Variants in BATF2 observed in about 807,000 individuals in gnomAD.
BATF2 encodes the protein basic leucine zipper transcriptional factor ATF-like 2.
In BATF2, 4 loss-of-function variants were observed where a neutral mutation model predicts 7.3. The ratio of observed to expected loss-of-function variants is 0.55; its 90% CI spans 0.27 to 1.26. BATF2 has a LOEUF of 1.26. Among genes scored for constraint, BATF2 ranks in the 50% most tolerant of loss-of-function variants. BATF2 has a pLI of 0.11. For synonymous variants in BATF2, 152 were observed against 153.9 expected, an observed-to-expected ratio of 0.99 and a Z score of 0.09; for missense variants, 295 against 340.5, an observed-to-expected ratio of 0.87 and a Z score of 1.05.
Position 64,994,547 on chromosome 11 carries a change from G to A in BATF2, c.42C>T (p.Asp14=), listed in dbSNP as rs1464918054. 2 of 1,597,404 alleles carry A rather than the reference G, an allele frequency of 1.3e-6. No homozygotes were observed. Among genetic ancestry groups the A allele is most frequent in the Non-Finnish European group, 1.7e-6 (2 of 1,172,194 alleles). ...CGGNGLLTQT[D]PKEQQRQLKK... is the part of the protein sequence containing the mutation. ...TCAGCTGCCTTTGTTGCTCCTTGGGGTCCTGTGGGGCATGAGGCAGAGGAC... is the reference window on the plus strand; with the variant it reads ...TCAGCTGCCTTTGTTGCTCCTTGGGATCCTGTGGGGCATGAGGCAGAGGAC... Residue 14 remains aspartate (D), a splice_region_variant and synonymous_variant, in exon 2 of 3, where the codon GAC becomes GAT. Transcript: ENST00000301887.
chr11:64,994,403 T>G (rs1419692176), intron 2 of BATF2, 45 bp downstream of exon 2: 33 of 1,532,594 alleles, frequency 2.2e-5, no homozygotes, highest in Non-Finnish European at 2.7e-5. Flanking sequence ...GCTGGGCCAG[T>G]AAGTGGAGCC....
chr11:64,995,109 C>G (rs1448998169), intron 1 of BATF2, among the ~76,000 whole-genome samples: 1 of 152,174 alleles, frequency 6.6e-6, no homozygotes, highest in Non-Finnish European at 1.5e-5. Flanking sequence ...ATTCACCAGC[C>G]TCGGCCTCCC....
Position 64,989,741 on chromosome 11 carries a change from C to G in BATF2, c.213G>C (p.Ala71=), listed in dbSNP as rs760808540. ...KEIQSLQAEL[A]WWSRTLHVHE... ...GCACGTGCAGGGTCCGGCTCCACCA[C>G]GCCAGCTCGGCCTGCAGGGACTGGA... The change falls in exon 3 of 3, where the codon GCG becomes GCC. Residue 71 remains alanine, a synonymous_variant. Coordinates refer to ENST00000301887, the MANE Select transcript of BATF2 (RefSeq NM_138456.4). This position sits in a 1 kb window ranked among gnomAD's most constrained non-coding sequence, Gnocchi z 4.3. 1 of 1,614,020 alleles carries G rather than the reference C, an allele frequency of 6.2e-7. No individual in the cohort carries two copies. Among genetic ancestry groups the G allele is most frequent in the Non-Finnish European group, 8.5e-7 (1 of 1,180,016 alleles).
chr11:64,995,888 G>A (rs1946106146), intron 1 of BATF2, among the ~76,000 whole-genome samples: 1 of 152,208 alleles, frequency 6.6e-6, no homozygotes, highest in Non-Finnish European at 1.5e-5. Flanking sequence ...AGTGAAGGGG[G>A]CTCCTGTGAG....
chr11:64,989,130 T>A lies in BATF2; in HGVS notation c.824A>T (p.Ter275LeuextTer18). The A allele has an allele frequency of 6.2e-7, 1 of 1,614,030 alleles. No individual in the cohort carries two copies. Among genetic ancestry groups the A allele is most frequent in the Non-Finnish European group, 8.5e-7 (1 of 1,179,980 alleles). The stretch of plus-strand genomic sequence containing the variant: ...GCCAACCCAGCTCCGAAGACCAGGT[T>A]AGAAGTGGACTTGAGCAGAGGAGAG... ...PLLSSAQVHF[*>L] is the part of the protein sequence containing the mutation. The change falls in exon 3 of 3, where the codon TAA becomes TTA. Residue 275 changes from the stop codon to leucine (L), a stop_lost. Coordinates refer to ENST00000301887, the MANE Select transcript of BATF2 (RefSeq NM_138456.4). This position sits in a 1 kb window ranked among gnomAD's most constrained non-coding sequence, Gnocchi z 4.3.
chr11:64,990,147 C>G, intron 2 of BATF2: 1 of 1,535,748 alleles, frequency 6.5e-7, no homozygotes, highest in Non-Finnish European at 8.7e-7. Flanking sequence ...AGCCATTCAG[C>G]AACCATGTCA....
chr11:64,995,953 CTTTAT>C (rs565630880), intron 1 of BATF2, among the ~76,000 whole-genome samples: 7 of 151,922 alleles, frequency 4.6e-5, no homozygotes, highest in South Asian at 2.1e-4. Flanking sequence ...TATTATTTTA[CTTTAT>C]TTTATTTTAT....
intron 2 of BATF2, chr11:64,990,144 C>T: frequency 6.5e-7 from 1 of 1,535,752 alleles, no homozygotes. Context: ...AGGAGCCATT[C>T]AGCAACCATG....
At chr11:64,993,630 C>G (rs530551677) in intron 2 of BATF2, among the ~76,000 whole-genome samples, 19 of 152,268 alleles carry the variant, frequency 1.2e-4, no homozygotes, top group African/African-American at 4.6e-4. Flanking sequence ...AAGCAACTTG[C>G]AACTGGGACT....
Position 64,989,520 on chromosome 11 carries a change from G to C in BATF2, c.434C>G (p.Ser145Cys). ...PLSPGPQPHD[S>C]PSLLQCPLPS... ...CAGGGGGCACTGGAGGAGGCTGGGAGAATCATGAGGCTGTGGACCTGGAGA... is the reference window on the plus strand; with the variant it reads ...CAGGGGGCACTGGAGGAGGCTGGGACAATCATGAGGCTGTGGACCTGGAGA... The change falls in exon 3 of 3, where the codon TCT (serine) becomes TGT (cysteine). Residue 145 changes from serine (S) to cysteine (C), a missense_variant. Physicochemically the swap from Ser to Cys is moderately radical, Grantham distance 112. Coordinates refer to ENST00000301887, the MANE Select transcript of BATF2 (RefSeq NM_138456.4). The surrounding 1 kb of genome is among the most constrained non-coding windows in gnomAD (Gnocchi z 4.3). 13 of 1,597,336 alleles carry C rather than the reference G, an allele frequency of 8.1e-6. No individual in the cohort carries two copies. Among genetic ancestry groups the C allele is most frequent in the Non-Finnish European group, 1.1e-5 (13 of 1,171,952 alleles).
In BATF2 at chr11:64,989,478, C is replaced by A. The variant is rs751641909; in HGVS notation, c.476G>T (p.Gly159Val). ...AGGAGGTTCAGCAACCACAGCGGGG[C>A]CAAGGGACAGTGAGGGCAGGGGGCA... Reference protein sequence around the residue: ...LQCPLPSLSLGPAVVAEPPVQ... With the variant: ...LQCPLPSLSLVPAVVAEPPVQ... The change falls in exon 3 of 3, where the codon GGC becomes GTC. Residue 159 changes from glycine (G) to valine (V), a missense_variant. Physicochemically the swap from Gly to Val is moderately radical, Grantham distance 109. Transcript: ENST00000301887. This position sits in a 1 kb window ranked among gnomAD's most constrained non-coding sequence, Gnocchi z 4.3. The A allele has an allele frequency of 6.2e-7, 1 of 1,610,854 alleles. No individual in the cohort carries two copies. The highest frequency in any genetic ancestry group is 1.1e-5 in the South Asian group (1 of 90,728).
At position 64,989,621 on chromosome 11, in the gene BATF2, T is replaced by C; in HGVS notation, c.333A>G (p.Pro111=). The change falls in exon 3 of 3, where the codon CCA becomes CCG. Residue 111 remains proline, a synonymous_variant. Transcript: ENST00000301887. This position sits in a 1 kb window ranked among gnomAD's most constrained non-coding sequence, Gnocchi z 4.3. ...GCTCCCGGCAGCCATGTTGTCCCTG[T>C]GGGCCAGGGCCCAGGAGCCCCTCAG... ...DQAEGLLGPG[P]QGQHGCREQL... is the part of the protein sequence containing the mutation. 1.9e-6 allele frequency: 3 copies of C among 1,610,702 alleles called. No individual in the cohort carries two copies. The highest frequency in any genetic ancestry group is 1.7e-6 in the Non-Finnish European group (2 of 1,178,740).
At chr11:64,994,344 T>C (rs1946095822) in intron 2 of BATF2, 104 bp downstream of exon 2, 1 of 1,111,764 alleles carries the variant, frequency 9.0e-7, no homozygotes, top group Non-Finnish European at 1.3e-6. Flanking sequence ...CCTAGAAAAA[T>C]ACAGGAGTTT....
intron 1 of BATF2, among the ~76,000 whole-genome samples, chr11:64,996,189 G>A (rs903410502): frequency 2.0e-5 from 3 of 151,196 alleles, no homozygotes; most frequent in South Asian, 4.2e-4. Context: ...TCGATCTCCT[G>A]ACCTCAGGTG....
At chr11:64,990,302 G>A (rs1946066000) in intron 2 of BATF2, 18 of 1,487,738 alleles carry the variant, frequency 1.2e-5, no homozygotes, top group Non-Finnish European at 1.6e-5. Flanking sequence ...ACCCTCACAT[G>A]AACTCTGCTT....
intron 2 of BATF2, among the ~76,000 whole-genome samples, chr11:64,993,057 AAAATT>A: frequency 6.6e-6 from 1 of 151,262 alleles, no homozygotes; most frequent in Non-Finnish European, 1.5e-5. Context: ...AAATGAATAA[AAAATT>A]AAAACAAAAG....
intron 1 of BATF2, among the ~76,000 whole-genome samples, chr11:64,996,402 G>A (rs1041877965): frequency 3.3e-5 from 5 of 151,716 alleles, no homozygotes; most frequent in East Asian, 1.9e-4. Context: ...GACTACAGAC[G>A]TGCCCTGCCA....
In BATF2 at chr11:64,987,974, C is replaced by T. The variant is rs906850422; in HGVS notation, c.*1155G>A. The T allele has an allele frequency of 6.6e-6, 1 of 152,218 alleles. No individual in the cohort carries two copies. Among genetic ancestry groups the T allele is most frequent in the African/African-American group, 2.4e-5 (1 of 41,456 alleles). The allele number at this position is 152,218 out of a possible 1,614,324, so 9.4% of individuals were successfully genotyped here. A position where few individuals can be genotyped will look rare whatever the true frequency, so the allele number is the denominator to read the frequency against. ...ATTGCAAAACACTTTATTTCCATCA[C>T]ATATGTGCCAAGACTTGTGTTCTGT... On this transcript the variant is annotated 3_prime_UTR_variant, in exon 3 of 3. Coordinates refer to ENST00000301887, the MANE Select transcript of BATF2 (RefSeq NM_138456.4).
At position 64,989,561 on chromosome 11, in the gene BATF2, G is replaced by T. The variant is rs1312324110; in HGVS notation, c.393C>A (p.Tyr131Ter). 1.3e-6 allele frequency: 2 copies of T among 1,589,106 alleles called. No individual in the cohort carries two copies. The highest frequency in any genetic ancestry group is 2.2e-5 in the South Asian group (2 of 89,008). Reference sequence around the variant, plus strand: ...GACCTGGAGAGAGCGGCTGAGCTGGGTAACAGGAACCCGGGGTCTGGAACA... The same window carrying T: ...GACCTGGAGAGAGCGGCTGAGCTGGTTAACAGGAACCCGGGGTCTGGAACA... ...LELFQTPGSC[Y>*]PAQPLSPGPQ... is the part of the protein sequence containing the mutation. The change falls in exon 3 of 3, where the codon TAC becomes TAA. Residue 131 changes from tyrosine to a stop codon, truncating the protein, a stop_gained. Coordinates refer to ENST00000301887, the MANE Select transcript of BATF2 (RefSeq NM_138456.4). LOFTEE classifies it low-confidence loss of function (END_TRUNC). The surrounding 1 kb of genome is among the most constrained non-coding windows in gnomAD (Gnocchi z 4.3).
Sources: allele counts gnomAD v4.1 joint callset (sites outside exome capture counted in the v4.1 genomes callset), GRCh38; gene constraint gnomAD v4.1.1; non-coding constraint Gnocchi (gnomAD v3.1); transcripts MANE v1.5; gene names NCBI Gene and HGNC (gene_info 2026-07-23, HGNC 2026-07-21).